The following TLE1 variants were observed in gnomAD, a reference collection of about 807,000 sequenced individuals.
TLE1 encodes the protein TLE family member 1, transcriptional corepressor.
Under a neutral mutation model 89.8 loss-of-function variants are expected in TLE1, and 21 were observed. The ratio of observed to expected loss-of-function variants is 0.23; its 90% CI spans 0.17 to 0.34. The LOEUF is 0.34. TLE1 is among the 10% of genes least tolerant of loss of function. The pLI, the probability that TLE1 is intolerant of heterozygous loss-of-function variation, is 1.00. For missense variants in TLE1, 795 were observed against 1,031.2 expected, an observed-to-expected ratio of 0.77 and a Z score of 3.14; for synonymous variants, 447 against 407.6, an observed-to-expected ratio of 1.10 and a Z score of -1.16.
At chr9:81,684,109 A>G (rs375908856) in intron 4 of TLE1, among the ~76,000 whole-genome samples, 1 of 151,972 alleles carries the variant, frequency 6.6e-6, no homozygotes, top group African/African-American at 2.4e-5. Context: ...CTCTTCCATA[A>G]TATCTGTTAT....
Position 81,616,703 on chromosome 9 carries a change from G to GA in TLE1, c.712-5dup. ...CGCTTTTGTCACCATCACTGTCCTG[G>GA]AAAAAAGAAACATTAACGCCATTTA... On this transcript the variant is annotated splice_polypyrimidine_tract_variant and splice_region_variant and intron_variant, in intron 9 of 19. Coordinates refer to ENST00000376499, the MANE Select transcript of TLE1 (RefSeq NM_005077.5). 3 of 1,613,718 alleles carry GA rather than the reference G, an allele frequency of 1.9e-6. No homozygotes were observed. Among genetic ancestry groups the GA allele is most frequent in the African/African-American group, 1.3e-5 (1 of 74,962 alleles).
intron 11 of TLE1, among the ~76,000 whole-genome samples, chr9:81,614,476 T>C (rs1824154679): frequency 2.0e-5 from 3 of 152,148 alleles, no homozygotes; most frequent in South Asian, 4.1e-4. Context: ...TTCTCTGGCC[T>C]TTCAACCTTT....
At chr9:81,641,159 T>C (rs1199889987) in intron 6 of TLE1, among the ~76,000 whole-genome samples, 1 of 152,184 alleles carries the variant, frequency 6.6e-6, no homozygotes, top group Non-Finnish European at 1.5e-5. Context: ...ATTTCTGCTA[T>C]TTCCCTGTTC....
chr9:81,686,807 C>T (rs1429761933), intron 2 of TLE1, among the ~76,000 whole-genome samples: 1 of 152,186 alleles, frequency 6.6e-6, no homozygotes, highest in African/African-American at 2.4e-5. Flanking sequence ...TCCGAAATGA[C>T]GCCAAAGCAG....
rs559919747 is a variant in TLE1, at chr9:81,660,779, C to T, written c.235-6743G>A. On this transcript the variant is annotated intron_variant, in intron 4 of 19. Transcript: ENST00000376499. ...CCTCAGAGATCAGCAATCAATCAAA[C>T]TCTAGTGTATTCTGCGACTTTTAAA... Among the ~76,000 whole-genome samples the T allele has an allele frequency of 3.3e-5, 5 of 151,124 alleles. No individual in the cohort carries two copies. The East Asian group carries it at 1.0e-3, about 30-fold the overall frequency.
intron 14 of TLE1, among the ~76,000 whole-genome samples, chr9:81,602,207 C>CA: frequency 6.6e-6 from 1 of 152,260 alleles, no homozygotes; most frequent in Admixed American, 6.5e-5. Flanking sequence ...AACAGAGGCT[C>CA]ATCCCATTGT....
intron 4 of TLE1, among the ~76,000 whole-genome samples, chr9:81,676,368 A>G (rs1369350919): frequency 2.0e-5 from 3 of 152,136 alleles, no homozygotes; most frequent in African/African-American, 4.8e-5. Context: ...ACTGAGCAAA[A>G]CAAGTGCTGT....
intron 8 of TLE1, among the ~76,000 whole-genome samples, chr9:81,632,417 T>G (rs1826762694): frequency 6.6e-6 from 1 of 151,942 alleles, no homozygotes; most frequent in Admixed American, 6.6e-5. Flanking sequence ...CCCTGAACTT[T>G]TATCTTCCCC....
chr9:81,615,081 C>CAAA lies in TLE1; in HGVS notation c.918+898_918+900dup, dbSNP rs34947337. On this transcript the variant is annotated intron_variant, in intron 11 of 19. Coordinates refer to ENST00000376499, the MANE Select transcript of TLE1 (RefSeq NM_005077.5). ...TGGGTGACAGAGTGAGACTCCATCTCAAAAAAAAAAAAAAAAAAAAAAAAA... is the reference window on the plus strand; with the variant it reads ...TGGGTGACAGAGTGAGACTCCATCTCAAAAAAAAAAAAAAAAAAAAAAAAAAAA... 1.2e-3 allele frequency among the ~76,000 whole-genome samples: 30 copies of CAAA among 25,106 alleles called. 1 individual carries two copies. The highest frequency in any genetic ancestry group is 0.011 in the South Asian group (3 of 284). 16.5% of individuals were successfully genotyped at this position (25,106 alleles called of 152,430 possible).
rs906124295 is a variant in TLE1, at chr9:81,619,088, T to C, written c.711+1353A>G. On this transcript the variant is annotated intron_variant, in intron 9 of 19. Coordinates refer to ENST00000376499, the MANE Select transcript of TLE1 (RefSeq NM_005077.5). ...TACACAACAGCCTCATGAAGGGCAA[T>C]TCAGAATTCTACATCAGCAAATCTC... Among the ~76,000 whole-genome samples, 4 of 152,198 alleles carry C rather than the reference T, an allele frequency of 2.6e-5. No homozygotes were observed. In the East Asian group the frequency reaches 5.8e-4, roughly 22 times the overall value.
At chr9:81,678,535 T>A (rs1211454290) in intron 4 of TLE1, among the ~76,000 whole-genome samples, 1 of 152,172 alleles carries the variant, frequency 6.6e-6, no homozygotes, top group Non-Finnish European at 1.5e-5. Flanking sequence ...ATTTAGGGGC[T>A]GGGAGCAGTG....
At chr9:81,607,077 G>GGA (rs750071611) in intron 14 of TLE1, among the ~76,000 whole-genome samples, 1 of 136,296 alleles carries the variant, frequency 7.3e-6, no homozygotes, top group Non-Finnish European at 1.6e-5. Context: ...AAAAAAAAAT[G>GGA]GAGAGAGAGA....
intron 14 of TLE1, among the ~76,000 whole-genome samples, chr9:81,597,733 G>A (rs912921093): frequency 6.6e-6 from 1 of 152,158 alleles, no homozygotes; most frequent in African/African-American, 2.4e-5. Flanking sequence ...CTTCACAGAT[G>A]TAAAACATGA....
intron 4 of TLE1, among the ~76,000 whole-genome samples, chr9:81,655,058 C>T (rs572936966): frequency 1.3e-5 from 2 of 152,132 alleles, no homozygotes; most frequent in African/African-American, 4.8e-5. Context: ...GTCTATAGCA[C>T]GGGCTGTTTT....
intron 11 of TLE1, among the ~76,000 whole-genome samples, chr9:81,615,727 A>AG (rs1563974049): frequency 4.8e-5 from 7 of 147,126 alleles, no homozygotes; most frequent in South Asian, 2.2e-4. Context: ...AAAAAAAAAA[A>AG]AAGAAGAAGA....
intron 6 of TLE1, among the ~76,000 whole-genome samples, chr9:81,642,700 T>TGAAAGAAAA (rs1161260372): frequency 1.7e-5 from 1 of 58,940 alleles, no homozygotes; most frequent in East Asian, 5.1e-4. Context: ...TCTCAAAAAA[T>TGAAAGAAAA]GAAAGAAAAG....
chr9:81,635,198 A>C (rs1041714354), intron 6 of TLE1, among the ~76,000 whole-genome samples: 1 of 152,192 alleles, frequency 6.6e-6, no homozygotes, highest in Non-Finnish European at 1.5e-5. Context: ...ATTAGAAACG[A>C]AACTTTGTTT....
chr9:81,604,743 G>T (rs745775897), intron 14 of TLE1, among the ~76,000 whole-genome samples: 6 of 152,082 alleles, frequency 3.9e-5, no homozygotes, highest in South Asian at 2.1e-4. Context: ...TCTTCTGGCT[G>T]TAACACTCAG....
intron 6 of TLE1, among the ~76,000 whole-genome samples, chr9:81,643,272 C>T (rs767369905): frequency 3.3e-5 from 5 of 151,522 alleles, no homozygotes; most frequent in Non-Finnish European, 7.4e-5. Flanking sequence ...GTTTCGCTCT[C>T]GTTGCCCAGG....
Sources: allele counts gnomAD v4.1 joint callset (sites outside exome capture counted in the v4.1 genomes callset), GRCh38; gene constraint gnomAD v4.1.1; transcripts MANE v1.5; gene names NCBI Gene and HGNC (gene_info 2026-07-23, HGNC 2026-07-21).